The following VWA3B variants were observed in gnomAD, a reference collection of about 807,000 sequenced individuals.
The protein encoded by VWA3B is von Willebrand factor A domain containing 3B.
Under a neutral mutation model 158.3 loss-of-function variants are expected in VWA3B, and 138 were observed. The ratio of observed to expected loss-of-function variants is 0.87; its 90% CI spans 0.76 to 1.00. The LOEUF (loss-of-function observed/expected upper bound fraction) is 1.00, where lower values mean the gene tolerates loss of function less well. Ranked by LOEUF, VWA3B falls within the 50% of genes least tolerant of loss-of-function variation. The pLI is 0.00. For synonymous variants in VWA3B, 596 were observed against 587.3 expected (o/e 1.01, Z -0.21); for missense variants, 1,555 against 1,565.1 (o/e 0.99, Z 0.11).
At chr2:98,174,704 G>T (rs1679864013) in intron 8 of VWA3B, among the ~76,000 whole-genome samples, 1 of 152,120 alleles carries the variant, frequency 6.6e-6, no homozygotes, top group African/African-American at 2.4e-5. Context: ...ACATGCACAG[G>T]GCTGTGGGCA....
At chr2:98,287,318 C>A (rs140518411) in intron 22 of VWA3B, among the ~76,000 whole-genome samples, 3 of 152,054 alleles carry the variant, frequency 2.0e-5, no homozygotes, top group Non-Finnish European at 4.4e-5. Flanking sequence ...TCTTCTTTTC[C>A]GACCCTTTTA....
At position 98,204,515 on chromosome 2, in the gene VWA3B, A is replaced by G. The variant is rs549926239; in HGVS notation, c.1738-7415A>G. 4.6e-5 allele frequency among the ~76,000 whole-genome samples: 7 copies of G among 152,326 alleles called. No individual in the cohort carries two copies. The South Asian group carries it at 1.5e-3, about 32-fold the overall frequency. The stretch of plus-strand genomic sequence containing the variant: ...TTTCTGTGCAAATTGATATGCTCAT[A>G]TGATTTTTTTTCCAAATTTTGAACC... On this transcript the variant is annotated intron_variant, in intron 12 of 27. Transcript: ENST00000477737.
the VWA3B span, among the ~76,000 whole-genome samples, chr2:98,324,901 C>A: frequency 7.7e-6 from 1 of 129,064 alleles, no homozygotes. Context: ...AATACAATGT[C>A]TTAATGTTAA....
chr2:98,206,208 C>A (rs1417999944), intron 12 of VWA3B: 1 of 153,480 alleles, frequency 6.5e-6, no homozygotes, highest in African/African-American at 2.4e-5. Flanking sequence ...TGCAGGAACT[C>A]AGCCCGTCAG....
intron 19 of VWA3B, among the ~76,000 whole-genome samples, chr2:98,244,864 C>T (rs374869276): frequency 2.6e-5 from 4 of 152,192 alleles, no homozygotes; most frequent in South Asian, 4.1e-4. Flanking sequence ...ACAGTGGTTG[C>T]TTACAGAGTA....
chr2:98,159,432 A>G (rs1470788059), intron 7 of VWA3B, among the ~76,000 whole-genome samples: 1 of 151,970 alleles, frequency 6.6e-6, no homozygotes, highest in Non-Finnish European at 1.5e-5. Flanking sequence ...TATTTTTAGT[A>G]GAGACGGAGT....
At chr2:98,207,218 G>T (rs1683099512) in intron 12 of VWA3B, 1 of 544,176 alleles carries the variant, frequency 1.8e-6, no homozygotes, top group South Asian at 1.4e-5. Context: ...TATCACCTCT[G>T]TACAGGCTAT....
rs772293943 is a variant in VWA3B at position 98,128,349 on chromosome 2, C to T, written c.813C>T (p.Asn271=). Residue 271 remains asparagine, a synonymous_variant, in exon 6 of 28, where the codon AAC becomes AAT. Transcript: ENST00000477737. ...GTCCAGTCTACACAGTGTCCTTCAA[C>T]GCCAGAGGAGAAGGCACTATAGCTT... is the stretch of plus-strand genomic sequence containing the variant. ...IPCPVYTVSF[N]ARGEGTIAFL... 137 of 1,613,954 alleles carry T rather than the reference C, an allele frequency of 8.5e-5. No homozygotes were observed. Among genetic ancestry groups the T allele is most frequent in the Middle Eastern group, 3.3e-4 (2 of 6,066 alleles).
At chr2:98,179,781 CTTTCT>C (rs1558640976) in intron 8 of VWA3B, among the ~76,000 whole-genome samples, 1 of 67,030 alleles carries the variant, frequency 1.5e-5, no homozygotes, top group Non-Finnish European at 3.1e-5. Context: ...CTTTCTTTCT[CTTTCT>C]TTTCTTTCTT....
intron 21 of VWA3B, 111 bp downstream of exon 21, chr2:98,256,285 T>C (rs1270831632): frequency 1.6e-6 from 2 of 1,215,598 alleles, no homozygotes; most frequent in Non-Finnish European, 2.3e-6. Flanking sequence ...TTCAAAATGT[T>C]CTGCAAACCA....
chr2:98,112,076 A>G (rs528181065), intron 2 of VWA3B, among the ~76,000 whole-genome samples: 7 of 152,222 alleles, frequency 4.6e-5, no homozygotes, highest in African/African-American at 1.4e-4. Context: ...TCCATCTTCA[A>G]TTAATTTTTT....
At chr2:98,249,733 C>T (rs935133127) in intron 19 of VWA3B, among the ~76,000 whole-genome samples, 1 of 151,966 alleles carries the variant, frequency 6.6e-6, no homozygotes, top group African/African-American at 2.4e-5. Context: ...CATTCTTTCA[C>T]ACGTGTAAGA....
At chr2:98,143,752 C>CTTTTTTTTTTTTTTT (rs534351736) in intron 7 of VWA3B, among the ~76,000 whole-genome samples, 2 of 130,948 alleles carry the variant, frequency 1.5e-5, no homozygotes, top group African/African-American at 2.8e-5. Flanking sequence ...CTTTTCTTTT[C>CTTTTTTTTTTTTTTT]TTTTTTTTTT....
Position 98,181,159 on chromosome 2 carries a change from G to T in VWA3B, c.1258G>T (p.Gly420Trp). 1.2e-6 allele frequency: 2 copies of T among 1,614,206 alleles called. No individual in the cohort carries two copies. Residue 420 changes from glycine to tryptophan, a missense_variant, in exon 9 of 28, where the codon GGG (glycine) becomes TGG (tryptophan). Transcript: ENST00000477737. ...LADCSFRHAD[G>W]VVDIKAKPEN... The stretch of plus-strand genomic sequence containing the variant: ...CGACTGCTCTTTCCGCCACGCTGAT[G>T]GGGTTGTGGATATAAAAGCCAAACC...
intron 6 of VWA3B, among the ~76,000 whole-genome samples, chr2:98,131,374 G>A (rs532052155): frequency 3.3e-5 from 5 of 152,238 alleles, no homozygotes; most frequent in East Asian, 1.9e-4. Context: ...GGTTGATTCC[G>A]TATCTTGGCT....
At position 98,126,242 on chromosome 2, in the gene VWA3B, A is replaced by G. The variant is rs369216132; in HGVS notation, c.703-1997A>G. On this transcript the variant is annotated intron_variant, in intron 5 of 27. Transcript: ENST00000477737. Reference sequence around the variant, plus strand: ...TCTCAAGGGAAAAACATTTCTGCACAAGAACTTCAGGTTTTGGGATTAGTG... The same window carrying G: ...TCTCAAGGGAAAAACATTTCTGCACGAGAACTTCAGGTTTTGGGATTAGTG... Among the ~76,000 whole-genome samples the G allele has an allele frequency of 1.7e-4, 26 of 152,354 alleles. No homozygotes were observed. In the South Asian group the frequency reaches 5.4e-3, roughly 32 times the overall value.
rs374782570 is a variant in VWA3B at position 98,216,098 on chromosome 2, C to T, written c.1837-1748C>T. ...CTTTGTGGAAGAATAGACACAGATG[C>T]TGTTCTGGATCAGTTACATGGACAC... On this transcript the variant is annotated intron_variant, in intron 13 of 27. Transcript: ENST00000477737. Among the ~76,000 whole-genome samples the T allele has an allele frequency of 3.2e-4, 49 of 152,358 alleles. No homozygotes were observed. In the East Asian group the frequency reaches 5.2e-3, roughly 16 times the overall value.
At chr2:98,153,105 G>A (rs1265989549) in intron 7 of VWA3B, among the ~76,000 whole-genome samples, 1 of 152,138 alleles carries the variant, frequency 6.6e-6, no homozygotes, top group Non-Finnish European at 1.5e-5. Flanking sequence ...TCTCTAGCCT[G>A]TACTCACCTG....
At chr2:98,092,193 C>T (rs999751323) in intron 1 of VWA3B, among the ~76,000 whole-genome samples, 4 of 152,168 alleles carry the variant, frequency 2.6e-5, no homozygotes, top group Admixed American at 6.5e-5. Context: ...TACACCTGTT[C>T]GACAGGTAAA....
Sources: gnomAD v4.1 joint callset for allele counts (sites outside exome capture counted in the v4.1 genomes callset) on GRCh38, gnomAD v4.1.1 for gene constraint, MANE v1.5 for transcripts, NCBI Gene and HGNC (gene_info 2026-07-23, HGNC 2026-07-21) for gene names.